STX11: variants seen among roughly 807,000 people sequenced by gnomAD.
STX11 encodes the protein syntaxin 11, also known as syntaxin-11.
In STX11, 21 loss-of-function variants were observed where a neutral mutation model predicts 19.9. The ratio of observed to expected loss-of-function variants is 1.06; its 90% confidence interval spans 0.75 to 1.52. The LOEUF is 1.52. STX11 is among the 40% of genes most tolerant of loss of function. The probability of loss-of-function intolerance (pLI) is 0.00; values close to 1 mark genes in which losing one functional copy is unlikely to be tolerated. For missense variants in STX11, 438 were observed against 405.9 expected, an observed-to-expected ratio of 1.08 and a Z score of -0.68; for synonymous variants, 193 against 174.4, an observed-to-expected ratio of 1.11 and a Z score of -0.84.
rs1801762013 is a variant in STX11, at chr6:144,175,685, G to A, written c.-5-10938G>A. On this transcript the variant is annotated intron_variant, in intron 1 of 1. Coordinates refer to ENST00000367568, the MANE Select transcript of STX11 (RefSeq NM_003764.4). This position sits in a 1 kb window ranked among gnomAD's most constrained non-coding sequence, Gnocchi z 5.1. Reference sequence around the variant, plus strand: ...TCCTCATCTTTACAGTGAAGGCACTGTGCAAGCTAGTCATTACAGGCTTTT... The same window carrying A: ...TCCTCATCTTTACAGTGAAGGCACTATGCAAGCTAGTCATTACAGGCTTTT... Among the ~76,000 whole-genome samples the A allele has an allele frequency of 6.6e-6, 1 of 152,218 alleles. No homozygotes were observed. The highest frequency in any genetic ancestry group is 1.5e-5 in the Non-Finnish European group (1 of 68,042).
At position 144,160,185 on chromosome 6, in the gene STX11, A is replaced by C. The variant is rs1801298389; in HGVS notation, c.-6+9482A>C. 6.6e-6 allele frequency among the ~76,000 whole-genome samples: 1 copy of C among 152,074 alleles called. No homozygotes were observed. Among genetic ancestry groups the C allele is most frequent in the Non-Finnish European group, 1.5e-5 (1 of 67,996 alleles). ...ACCCAGCTAATTTTTGTATTTTTTT[A>C]GTAGAGACGGGGTTTCACTATATTT... On this transcript the variant is annotated intron_variant, in intron 1 of 1. Coordinates refer to ENST00000367568, the MANE Select transcript of STX11 (RefSeq NM_003764.4). The surrounding 1 kb of genome is among the most constrained non-coding windows in gnomAD (Gnocchi z 4.3).
the STX11 span, among the ~76,000 whole-genome samples, chr6:144,141,671 G>T: frequency 1.3e-5 from 2 of 151,830 alleles, no homozygotes; most frequent in African/African-American, 4.8e-5. Context: ...TGTTGTTGTT[G>T]TTGTTGTTGT....
intron 1 of STX11, among the ~76,000 whole-genome samples, chr6:144,161,280 A>G (rs1179069836): frequency 2.6e-5 from 4 of 152,248 alleles, no homozygotes; most frequent in Admixed American, 1.3e-4. Context: ...AATCAAAATT[A>G]TAATAGTGTC....
rs1397920434 is a variant in STX11, at chr6:144,170,478, G to A, written c.-5-16145G>A. On this transcript the variant is annotated intron_variant, in intron 1 of 1. Transcript: ENST00000367568. This position sits in a 1 kb window ranked among gnomAD's most constrained non-coding sequence, Gnocchi z 4.7. ...TGTTATGTACTTGTGTTTTGACTGC[G>A]ACTTGTCACAGGAGGTCAAGTGTGG... is the stretch of plus-strand genomic sequence containing the variant. 6.6e-6 allele frequency among the ~76,000 whole-genome samples: 1 copy of A among 152,138 alleles called. No individual in the cohort carries two copies. The highest frequency in any genetic ancestry group is 2.4e-5 in the African/African-American group (1 of 41,406).
At position 144,150,522 on chromosome 6, in the gene STX11, C is replaced by G; in HGVS notation, c.-187C>G. The G allele has an allele frequency of 1.0e-6, 1 of 985,330 alleles. No homozygotes were observed. The highest frequency in any genetic ancestry group is 4.7e-5 in the South Asian group (1 of 21,292). 61.0% of individuals were successfully genotyped at this position (985,330 alleles called of 1,614,324 possible). A position where few individuals can be genotyped will look rare whatever the true frequency, so the allele number is the denominator to read the frequency against. On this transcript the variant is annotated 5_prime_UTR_variant, in exon 1 of 2. Transcript: ENST00000367568. ...GGGCTGAGCCGGCGGCGCCCAGATG[C>G]GGCCGCGGCGGCGCGGAGCTCGGGC...
At chr6:144,147,009 A>T (rs1443307773), upstream of STX11, among the ~76,000 whole-genome samples, 2 of 152,054 alleles carry the variant, frequency 1.3e-5, no homozygotes, top group Non-Finnish European at 2.9e-5. The surrounding 1 kb of genome is among the most constrained non-coding windows in gnomAD (Gnocchi z 4.2). Context: ...CTTCTGTTTT[A>T]CCCTAAATTT....
rs1562655635 is a variant in STX11 at position 144,156,018 on chromosome 6, CTTT to C, written c.-6+5316_-6+5318del. ...TCTTTCTTTCTTTCTTTCTTTCTCTCTTTCTCTCCTTCCTTCCTTCCTTCCTTC... is the reference window on the plus strand; with the variant it reads ...TCTTTCTTTCTTTCTTTCTTTCTCTCCTCTCCTTCCTTCCTTCCTTCCTTC... On this transcript the variant is annotated intron_variant, in intron 1 of 1. Transcript: ENST00000367568. Among the ~76,000 whole-genome samples the C allele has an allele frequency of 2.3e-3, 296 of 129,210 alleles. 10 individuals are homozygous for C. The highest frequency in any genetic ancestry group is 0.01 in the African/African-American group (265 of 26,060). 84.8% of individuals were successfully genotyped at this position (129,210 alleles called of 152,430 possible). A position where few individuals can be genotyped will look rare whatever the true frequency, so the allele number is the denominator to read the frequency against.
chr6:144,181,410 C>T (rs755157718), intron 1 of STX11, among the ~76,000 whole-genome samples: 4 of 151,840 alleles, frequency 2.6e-5, no homozygotes, highest in Non-Finnish European at 4.4e-5. Flanking sequence ...GCTTGGCCAA[C>T]ATGGTGAAAC....
At chr6:144,140,254 A>ATATATTTTT in the STX11 span, among the ~76,000 whole-genome samples, 1 of 38,898 alleles carries the variant, frequency 2.6e-5, no homozygotes, top group African/African-American at 1.3e-4. Context: ...ATATATATAT[A>ATATATTTTT]TTTATTTATT....
chr6:144,143,436 G>T, the STX11 span, among the ~76,000 whole-genome samples: 12 of 152,136 alleles, frequency 7.9e-5, no homozygotes, highest in Admixed American at 7.9e-4. Context: ...TAAAGATATG[G>T]ACAGGGTGGA....
At position 144,186,638 on chromosome 6, in the gene STX11, G is replaced by A. The variant is rs375610231; in HGVS notation, c.11G>A (p.Arg4Gln). Residue 4 changes from arginine (R) to glutamine (Q), a missense_variant, in exon 2 of 2, where the codon CGG becomes CAG. Coordinates refer to ENST00000367568, the MANE Select transcript of STX11 (RefSeq NM_003764.4). MKD[R>Q]LAELLDLSKQ... The stretch of plus-strand genomic sequence containing the variant: ...CTACTTGCAGGCAAAATGAAAGACC[G>A]GCTAGCAGAACTTCTGGACTTGTCC... 7.4e-6 allele frequency: 12 copies of A among 1,613,970 alleles called. No individual in the cohort carries two copies. The highest frequency in any genetic ancestry group is 2.7e-5 in the African/African-American group (2 of 74,918).
rs1216735258 is a variant in STX11, at chr6:144,172,527, G to T, written c.-5-14096G>T. The stretch of plus-strand genomic sequence containing the variant: ...CAAGGGTAGAGAAACTGATTCAAAG[G>T]GTAGAGAGACCGACACCACTTCTTG... On this transcript the variant is annotated intron_variant, in intron 1 of 1. Coordinates refer to ENST00000367568, the MANE Select transcript of STX11 (RefSeq NM_003764.4). This position sits in a 1 kb window ranked among gnomAD's most constrained non-coding sequence, Gnocchi z 4.2. 6.6e-6 allele frequency among the ~76,000 whole-genome samples: 1 copy of T among 152,082 alleles called. No individual in the cohort carries two copies. The highest frequency in any genetic ancestry group is 2.4e-5 in the African/African-American group (1 of 41,382).
At position 144,187,328 on chromosome 6, in the gene STX11, T is replaced by G. The variant is rs1424404410; in HGVS notation, c.701T>G (p.Leu234Arg). 2.5e-6 allele frequency: 4 copies of G among 1,610,892 alleles called. No individual in the cohort carries two copies. Among genetic ancestry groups the G allele is most frequent in the Non-Finnish European group, 3.4e-6 (4 of 1,179,944 alleles). ...VHELFLQMAV[L>R]VEKQADTLNV... The stretch of plus-strand genomic sequence containing the variant: ...GAGCTCTTCTTGCAGATGGCGGTGC[T>G]GGTGGAGAAGCAGGCCGACACCCTG... The change falls in exon 2 of 2, where the codon CTG becomes CGG. Residue 234 changes from leucine (L) to arginine (R), a missense_variant. By Grantham distance (102) the Leu-to-Arg change is moderately radical. Transcript: ENST00000367568. The surrounding 1 kb of genome is among the most constrained non-coding windows in gnomAD (Gnocchi z 5.6).
In STX11 at chr6:144,187,216, G is replaced by T. The variant is rs141499372; in HGVS notation, c.589G>T (p.Val197Leu). Residue 197 changes from valine to leucine, a missense_variant, in exon 2 of 2, where the codon GTG (valine) becomes TTG (leucine). Coordinates refer to ENST00000367568, the MANE Select transcript of STX11 (RefSeq NM_003764.4). This position sits in a 1 kb window ranked among gnomAD's most constrained non-coding sequence, Gnocchi z 5.6. ...GTTTTCCGAGAACTTGCTGGCCGAC[G>T]TGAAGGGCGCGCGGGCCGCCCTCAA... The part of the protein sequence containing the change: ...DVFSENLLAD[V>L]KGARAALNEI... 6.2e-6 allele frequency: 10 copies of T among 1,613,970 alleles called. No individual in the cohort carries two copies. The East Asian group carries it at 2.0e-4, about 32-fold the overall frequency.
chr6:144,164,183 A>G (rs75530155), intron 1 of STX11, among the ~76,000 whole-genome samples: 2,932 of 152,292 alleles, frequency 0.019, 51 homozygotes, highest in Non-Finnish European at 0.028. Flanking sequence ...AAGAATATCA[A>G]TCACATAGTC....
In STX11 at chr6:144,187,255, C is replaced by G; in HGVS notation, c.628C>G (p.Arg210Gly). The change falls in exon 2 of 2, where the codon CGC becomes GGC. Residue 210 changes from arginine to glycine, a missense_variant. By Grantham distance (125) the Arg-to-Gly change is moderately radical. Transcript: ENST00000367568. This position sits in a 1 kb window ranked among gnomAD's most constrained non-coding sequence, Gnocchi z 5.6. ...ARAALNEIESRHRELLRLESR... is the reference protein window; with the variant it reads ...ARAALNEIESGHRELLRLESR... The stretch of plus-strand genomic sequence containing the variant: ...GGCCGCCCTCAACGAGATCGAGAGC[C>G]GCCACCGCGAACTGCTGCGCCTGGA... 8.7e-6 allele frequency: 14 copies of G among 1,613,664 alleles called. No individual in the cohort carries two copies. Among genetic ancestry groups the G allele is most frequent in the Non-Finnish European group, 1.2e-5 (14 of 1,179,946 alleles).
chr6:144,150,627 C>G lies in STX11; in HGVS notation c.-82C>G. On this transcript the variant is annotated 5_prime_UTR_variant, in exon 1 of 2. Transcript: ENST00000367568. Reference sequence around the variant, plus strand: ...GGAGTCGCGCAACAGGTTTCCTTCTCCATCGCTGCGCCCACAGGGGACGCG... The same window carrying G: ...GGAGTCGCGCAACAGGTTTCCTTCTGCATCGCTGCGCCCACAGGGGACGCG... The G allele has an allele frequency of 5.1e-6, 5 of 985,458 alleles. No homozygotes were observed. The highest frequency in any genetic ancestry group is 6.0e-6 in the Non-Finnish European group (5 of 829,980). 61.0% of individuals were successfully genotyped at this position (985,458 alleles called of 1,614,324 possible).
chr6:144,183,862 T>C lies in STX11; in HGVS notation c.-5-2761T>C, dbSNP rs902731967. Among the ~76,000 whole-genome samples, 1 of 152,162 alleles carries C rather than the reference T, an allele frequency of 6.6e-6. No homozygotes were observed. The highest frequency in any genetic ancestry group is 2.4e-5 in the African/African-American group (1 of 41,424). On this transcript the variant is annotated intron_variant, in intron 1 of 1. Coordinates refer to ENST00000367568, the MANE Select transcript of STX11 (RefSeq NM_003764.4). The surrounding 1 kb of genome is among the most constrained non-coding windows in gnomAD (Gnocchi z 4.6). ...TTTAAGCTCAGCATGCATCAGCTCTTTTCCCTAATGCTCTCCCCTCCCCCG... is the reference window on the plus strand; with the variant it reads ...TTTAAGCTCAGCATGCATCAGCTCTCTTCCCTAATGCTCTCCCCTCCCCCG...
chr6:144,188,774 T>G lies in STX11; in HGVS notation c.*1283T>G, dbSNP rs1802138300. 6.8e-6 allele frequency among the ~76,000 whole-genome samples: 1 copy of G among 146,234 alleles called. No homozygotes were observed. The highest frequency in any genetic ancestry group is 1.5e-5 in the Non-Finnish European group (1 of 67,380). On this transcript the variant is annotated 3_prime_UTR_variant, in exon 2 of 2. Coordinates refer to ENST00000367568, the MANE Select transcript of STX11 (RefSeq NM_003764.4). ...TGGAGTCTCACTGTGTTGCCCAGGC[T>G]GGAGTGCAGTGGCAGGATCTTGGCT...
Sources: allele counts gnomAD v4.1 joint callset (sites outside exome capture counted in the v4.1 genomes callset), GRCh38; gene constraint gnomAD v4.1.1; non-coding constraint Gnocchi (gnomAD v3.1); transcripts MANE v1.5; gene names NCBI Gene and HGNC (gene_info 2026-07-23, HGNC 2026-07-21).